Variants in INPP5A observed in about 807,000 individuals in gnomAD.
INPP5A encodes the protein inositol polyphosphate-5-phosphatase A, also known as 43 kDa inositol polyphosphate 5-phophatase.
In INPP5A, 14 loss-of-function variants were observed where a neutral mutation model predicts 65.2. The observed-to-expected ratio is 0.21, with a 90% CI of 0.14 to 0.34. The LOEUF (loss-of-function observed/expected upper bound fraction) is 0.34, where lower values mean the gene tolerates loss of function less well. Ranked by LOEUF, INPP5A falls within the 10% of genes least tolerant of loss-of-function variation. The pLI is 1.00. For synonymous variants in INPP5A, 207 were observed against 208.3 expected (o/e 0.99, Z 0.05); for missense variants, 431 against 545.6 (o/e 0.79, Z 2.09).
rs969197901 is a variant in INPP5A, at chr10:132,706,193, C to T, written c.475-2120C>T. 1.2e-4 allele frequency among the ~76,000 whole-genome samples: 18 copies of T among 152,250 alleles called. No homozygotes were observed. The highest frequency in any genetic ancestry group is 3.6e-4 in the African/African-American group (15 of 41,550). Reference sequence around the variant, plus strand: ...GGAGTTCATCTAAACATAGTCAAGACGGACAAAGATTTGTGTTTGTTTGGT... The same window carrying T: ...GGAGTTCATCTAAACATAGTCAAGATGGACAAAGATTTGTGTTTGTTTGGT... On this transcript the variant is annotated intron_variant, in intron 6 of 15. Transcript: ENST00000368594. The surrounding 1 kb of genome is among the most constrained non-coding windows in gnomAD (Gnocchi z 4.7).
chr10:132,567,732 GC>G (rs2071289789), intron 1 of INPP5A, among the ~76,000 whole-genome samples: 2 of 152,110 alleles, frequency 1.3e-5, no homozygotes, highest in Non-Finnish European at 2.9e-5. Context: ...AACGATTCCA[GC>G]TTTTTATTCC....
At chr10:132,776,068 G>A (rs536724386) in intron 12 of INPP5A, among the ~76,000 whole-genome samples, 41 of 152,190 alleles carry the variant, frequency 2.7e-4, no homozygotes, top group African/African-American at 7.5e-4. Context: ...GTTTCCACTC[G>A]TGTCCGCGGT....
At position 132,550,096 on chromosome 10, in the gene INPP5A, G is replaced by C. The variant is rs1029047365; in HGVS notation, c.75+11925G>C. ...CATTAGGGGATGGGGTCAGCCTCGAGTTACTAACCGGGCATTAGGGGATGG... is the reference window on the plus strand; with the variant it reads ...CATTAGGGGATGGGGTCAGCCTCGACTTACTAACCGGGCATTAGGGGATGG... On this transcript the variant is annotated intron_variant, in intron 1 of 15. Coordinates refer to ENST00000368594, the MANE Select transcript of INPP5A (RefSeq NM_005539.5). The surrounding 1 kb of genome is among the most constrained non-coding windows in gnomAD (Gnocchi z 4.2). Among the ~76,000 whole-genome samples the C allele has an allele frequency of 6.7e-6, 1 of 148,698 alleles. No homozygotes were observed. Among genetic ancestry groups the C allele is most frequent in the Non-Finnish European group, 1.5e-5 (1 of 67,168 alleles).
chr10:132,542,377 C>T (rs1407267926), intron 1 of INPP5A, among the ~76,000 whole-genome samples: 1 of 152,014 alleles, frequency 6.6e-6, no homozygotes, highest in Admixed American at 6.5e-5. Context: ...GTGGAGGTGG[C>T]GGAGCTGCTG....
chr10:132,763,488 C>G (rs1846769407), intron 11 of INPP5A, among the ~76,000 whole-genome samples: 1 of 152,260 alleles, frequency 6.6e-6, no homozygotes, highest in Admixed American at 6.5e-5. Flanking sequence ...TAAATGCCTG[C>G]ATGCAAAGAC....
At chr10:132,763,934 C>A (rs1846783764) in intron 11 of INPP5A, among the ~76,000 whole-genome samples, 3 of 152,284 alleles carry the variant, frequency 2.0e-5, no homozygotes, top group Non-Finnish European at 4.4e-5. Flanking sequence ...AGAGCCCATG[C>A]CCCTACTCTG....
rs964936345 is a variant in INPP5A at position 132,753,904 on chromosome 10, G to A, written c.903+4059G>A. The A allele has an allele frequency of 3.3e-5, 5 of 152,208 alleles. No homozygotes were observed. Among genetic ancestry groups the A allele is most frequent in the African/African-American group, 1.2e-4 (5 of 41,462 alleles). The allele number at this position is 152,208 out of a possible 1,614,324, so 9.4% of individuals were successfully genotyped here. Reference sequence around the variant, plus strand: ...TCACTTTGTAATCAAGAAGAATGTGGGAGACCATGCGAAATTGGTGATCAT... The same window carrying A: ...TCACTTTGTAATCAAGAAGAATGTGAGAGACCATGCGAAATTGGTGATCAT... On this transcript the variant is annotated intron_variant, in intron 11 of 15. Coordinates refer to ENST00000368594, the MANE Select transcript of INPP5A (RefSeq NM_005539.5). This position sits in a 1 kb window ranked among gnomAD's most constrained non-coding sequence, Gnocchi z 5.3.
At chr10:132,696,894 C>T (rs1279927480) in intron 5 of INPP5A, among the ~76,000 whole-genome samples, 3 of 152,222 alleles carry the variant, frequency 2.0e-5, no homozygotes, top group African/African-American at 7.2e-5. Flanking sequence ...AACTCCTGCC[C>T]ACCCCAGTGG....
chr10:132,567,370 T>C (rs986780761), intron 1 of INPP5A, among the ~76,000 whole-genome samples: 1 of 152,254 alleles, frequency 6.6e-6, no homozygotes, highest in Non-Finnish European at 1.5e-5. Context: ...GGTCTTGAAC[T>C]CCTAGGCTCA....
At position 132,549,818 on chromosome 10, in the gene INPP5A, T is replaced by A. The variant is rs2071027612; in HGVS notation, c.75+11647T>A. Among the ~76,000 whole-genome samples the A allele has an allele frequency of 6.6e-6, 1 of 152,218 alleles. No individual in the cohort carries two copies. The highest frequency in any genetic ancestry group is 2.1e-4 in the South Asian group (1 of 4,834). ...GGGTTGGTGTGTCTCTGTTACAGGA[T>A]TGGTGTGACGTCTGAGTCACTGTGC... On this transcript the variant is annotated intron_variant, in intron 1 of 15. Coordinates refer to ENST00000368594, the MANE Select transcript of INPP5A (RefSeq NM_005539.5). This position sits in a 1 kb window ranked among gnomAD's most constrained non-coding sequence, Gnocchi z 4.9.
chr10:132,710,693 G>A (rs913385804), intron 8 of INPP5A, among the ~76,000 whole-genome samples: 2 of 150,548 alleles, frequency 1.3e-5, no homozygotes, highest in Admixed American at 6.6e-5. Flanking sequence ...AGAGGTAGGT[G>A]TGGATGGCAG....
chr10:132,714,607 G>A (rs1845707710), intron 8 of INPP5A, among the ~76,000 whole-genome samples: 2 of 152,220 alleles, frequency 1.3e-5, no homozygotes, highest in Admixed American at 6.5e-5. Flanking sequence ...GGCCCAGGAG[G>A]GAGGGCAGGT....
chr10:132,758,759 A>G (rs1178167043), intron 11 of INPP5A, among the ~76,000 whole-genome samples: 1 of 152,082 alleles, frequency 6.6e-6, no homozygotes, highest in East Asian at 1.9e-4. Flanking sequence ...AAAGCCTTAG[A>G]CCGTCCTTTG....
intron 9 of INPP5A, among the ~76,000 whole-genome samples, chr10:132,729,843 G>A (rs1846051030): frequency 6.6e-6 from 1 of 152,200 alleles, no homozygotes. Flanking sequence ...TTAAGGGGCT[G>A]TTTACTTTGT....
At chr10:132,685,704 G>A (rs1031033920) in intron 4 of INPP5A, among the ~76,000 whole-genome samples, 5 of 152,314 alleles carry the variant, frequency 3.3e-5, no homozygotes, top group Admixed American at 2.0e-4. Flanking sequence ...CGGTGGCTCC[G>A]TCCGGGAGGT....
intron 12 of INPP5A, among the ~76,000 whole-genome samples, chr10:132,770,778 C>T (rs1418796622): frequency 2.6e-5 from 4 of 152,244 alleles, no homozygotes; most frequent in South Asian, 2.1e-4. Context: ...TCCGCCAGGG[C>T]GTGATCTGGG....
intron 12 of INPP5A, among the ~76,000 whole-genome samples, chr10:132,775,347 A>AG (rs1277448598): frequency 6.6e-6 from 1 of 151,830 alleles, no homozygotes; most frequent in Non-Finnish European, 1.5e-5. Context: ...CCCACCCAGC[A>AG]GGTATGCTTT....
At chr10:132,691,054 C>T (rs1845251416) in intron 5 of INPP5A, among the ~76,000 whole-genome samples, 1 of 152,198 alleles carries the variant, frequency 6.6e-6, no homozygotes, top group Non-Finnish European at 1.5e-5. Context: ...CCCACGCGGC[C>T]TCCGGAGCAG....
chr10:132,754,473 C>T (rs1317568261), intron 11 of INPP5A, among the ~76,000 whole-genome samples: 1 of 152,066 alleles, frequency 6.6e-6, no homozygotes. Flanking sequence ...GGGGCGAGCA[C>T]CTATGGGCCT....
Sources: allele counts gnomAD v4.1 joint callset (sites outside exome capture counted in the v4.1 genomes callset), GRCh38; gene constraint gnomAD v4.1.1; non-coding constraint Gnocchi (gnomAD v3.1); transcripts MANE v1.5; gene names NCBI Gene and HGNC (gene_info 2026-07-23, HGNC 2026-07-21).